Variants in DNAH11 observed in about 807,000 individuals in gnomAD.
DNAH11 encodes axonemal beta dynein heavy chain 11.
DNAH11 carries 442 observed loss-of-function variants against 526.0 expected under a neutral mutation model. The observed-to-expected ratio is 0.84, with a 90% CI of 0.78 to 0.91. The LOEUF (loss-of-function observed/expected upper bound fraction) is 0.91. Ranked by LOEUF, DNAH11 falls within the 40% of genes least tolerant of loss-of-function variation. The probability of loss-of-function intolerance (pLI) is 0.00; values close to 1 mark genes in which losing one functional copy is unlikely to be tolerated. For missense variants in DNAH11, 6,989 were observed against 5,448.7 expected, an observed-to-expected ratio of 1.28 and a Z score of -8.90; for synonymous variants, 2,461 against 1,935.9, an observed-to-expected ratio of 1.27 and a Z score of -7.12.
At chr7:21,687,786 G>A (rs1783446011) in intron 34 of DNAH11, among the ~76,000 whole-genome samples, 1 of 152,192 alleles carries the variant, frequency 6.6e-6, no homozygotes, top group African/African-American at 2.4e-5. Context: ...CAGACACAGT[G>A]ACTCATGCTT....
chr7:21,643,935 C>A (rs1039126564), intron 28 of DNAH11, among the ~76,000 whole-genome samples: 1 of 152,072 alleles, frequency 6.6e-6, no homozygotes, highest in Non-Finnish European at 1.5e-5. Flanking sequence ...AATGTGGCTG[C>A]TAGATGGTTG....
chr7:21,814,735 T>C (rs374216423), intron 63 of DNAH11, among the ~76,000 whole-genome samples: 137 of 152,238 alleles, frequency 9.0e-4, no homozygotes, highest in African/African-American at 3.2e-3. Flanking sequence ...ATGAAACCAC[T>C]GTTGTATATG....
chr7:21,687,979 T>G (rs1356987668), intron 34 of DNAH11, among the ~76,000 whole-genome samples: 1 of 152,174 alleles, frequency 6.6e-6, no homozygotes, highest in Non-Finnish European at 1.5e-5. Flanking sequence ...AGAGGATTGC[T>G]TGAGCCCAGG....
At chr7:21,784,004 A>C (rs1220732905) in intron 57 of DNAH11, among the ~76,000 whole-genome samples, 1 of 152,250 alleles carries the variant, frequency 6.6e-6, no homozygotes, top group Non-Finnish European at 1.5e-5. Context: ...CTTCTAAGCA[A>C]AAGTTAGCAA....
intron 11 of DNAH11, 107 bp from the exon 12 acceptor site, chr7:21,589,101 G>T: frequency 3.5e-6 from 3 of 845,352 alleles, no homozygotes; most frequent in Non-Finnish European, 5.0e-6. Flanking sequence ...TTCTCTTCCT[G>T]GTTGTTTATA....
At chr7:21,746,794 T>C (rs975528266) in intron 51 of DNAH11, among the ~76,000 whole-genome samples, 2 of 152,174 alleles carry the variant, frequency 1.3e-5, no homozygotes, top group African/African-American at 4.8e-5. Context: ...CTTCCTCTGA[T>C]TGTGCAAAGG....
intron 68 of DNAH11, among the ~76,000 whole-genome samples, chr7:21,858,174 A>G (rs1782926144): frequency 6.6e-6 from 1 of 152,212 alleles, no homozygotes; most frequent in Non-Finnish European, 1.5e-5. Flanking sequence ...TAAAAGCAGA[A>G]TGAGGTCTTA....
At chr7:21,713,379 C>A (rs570428558) in intron 42 of DNAH11, among the ~76,000 whole-genome samples, 1 of 152,200 alleles carries the variant, frequency 6.6e-6, no homozygotes, top group South Asian at 2.1e-4. Context: ...GGAGAGAGGA[C>A]AGTGAGGTCA....
chr7:21,650,218 TAA>T (rs1046929629), intron 28 of DNAH11, among the ~76,000 whole-genome samples: 17 of 152,354 alleles, frequency 1.1e-4, no homozygotes, highest in African/African-American at 4.1e-4. Flanking sequence ...CGGATATGTT[TAA>T]GTTACAGTAA....
chr7:21,799,060 A>G lies in DNAH11; in HGVS notation c.10027-2077A>G, dbSNP rs540389171. Reference sequence around the variant, plus strand: ...AAAATTTTGAGAACCATTGCCTTCTACTGTCCTAGATATTATTCTATAAAT... The same window carrying G: ...AAAATTTTGAGAACCATTGCCTTCTGCTGTCCTAGATATTATTCTATAAAT... On this transcript the variant is annotated intron_variant, in intron 61 of 81. Transcript: ENST00000409508. Among the ~76,000 whole-genome samples the G allele has an allele frequency of 3.0e-4, 46 of 152,184 alleles. 1 individual carries two copies. Among genetic ancestry groups the G allele is most frequent in the Non-Finnish European group, 5.7e-4 (39 of 68,040 alleles).
At chr7:21,790,015 C>A (rs978913167) in intron 61 of DNAH11, among the ~76,000 whole-genome samples, 1 of 149,244 alleles carries the variant, frequency 6.7e-6, no homozygotes, top group African/African-American at 2.5e-5. Context: ...ATCAACCAAT[C>A]ACCTAGGTAT....
chr7:21,775,366 C>G (rs1459317964), intron 56 of DNAH11, among the ~76,000 whole-genome samples: 1 of 152,118 alleles, frequency 6.6e-6, no homozygotes, highest in Non-Finnish European at 1.5e-5. Flanking sequence ...CCTTTAATCC[C>G]AGCACTTTGG....
intron 35 of DNAH11, among the ~76,000 whole-genome samples, chr7:21,694,685 A>C (rs1322234130): frequency 6.6e-6 from 1 of 152,170 alleles, no homozygotes; most frequent in Non-Finnish European, 1.5e-5. Flanking sequence ...TTTATAGTAG[A>C]ATGATTTATA....
Position 21,765,587 on chromosome 7 carries a change from G to A in DNAH11, c.9100G>A (p.Glu3034Lys). The A allele has an allele frequency of 6.5e-7, 1 of 1,549,452 alleles. No homozygotes were observed. The highest frequency in any genetic ancestry group is 1.7e-5 in the Admixed American group (1 of 57,256). Residue 3034 changes from glutamate (E) to lysine (K), a missense_variant and splice_region_variant, in exon 55 of 82, where the codon GAG (glutamate) becomes AAG (lysine). Coordinates refer to ENST00000409508, the MANE Select transcript of DNAH11 (RefSeq NM_001277115.2). The stretch of plus-strand genomic sequence containing the variant: ...GTTCATTGAGGAAACCAAGGGAATT[G>A]AGGTATGCCGTGTCAGCCTGCGTCA... ...RRFIEETKGI[E>K]PVHKDSISLF...
In DNAH11 at chr7:21,900,221, A is replaced by G. The variant is rs1583827837; in HGVS notation, c.13303+101A>G. 3.1e-6 allele frequency: 4 copies of G among 1,281,012 alleles called. No homozygotes were observed. In the East Asian group the frequency reaches 9.9e-5, roughly 32 times the overall value. 79.4% of individuals were successfully genotyped at this position (1,281,012 alleles called of 1,614,324 possible). ...TTTCTCAGCATCTCCTCACTCACACAGTAACCTTATGCTAGTCATTATCTC... is the reference window on the plus strand; with the variant it reads ...TTTCTCAGCATCTCCTCACTCACACGGTAACCTTATGCTAGTCATTATCTC... On this transcript the variant is annotated intron_variant, in intron 81 of 81. Coordinates refer to ENST00000409508, the MANE Select transcript of DNAH11 (RefSeq NM_001277115.2).
intron 28 of DNAH11, among the ~76,000 whole-genome samples, chr7:21,641,666 G>T (rs1481090706): frequency 2.0e-5 from 3 of 152,150 alleles, no homozygotes; most frequent in African/African-American, 7.2e-5. Context: ...GATGCCAGTT[G>T]ATTTTTCAGA....
At position 21,901,081 on chromosome 7, in the gene DNAH11, A is replaced by T; in HGVS notation, c.13378A>T (p.Ile4460Phe). The T allele has an allele frequency of 6.2e-7, 1 of 1,613,876 alleles. No individual in the cohort carries two copies. The highest frequency in any genetic ancestry group is 8.5e-7 in the Non-Finnish European group (1 of 1,179,782). ...LKELACPMPV[I>F]FAKATPVDRQ... ...GGAGCTGGCATGCCCTATGCCGGTC[A>T]TCTTTGCAAAAGCCACCCCCGTGGA... The change falls in exon 82 of 82, where the codon ATC (isoleucine) becomes TTC (phenylalanine). Residue 4460 changes from isoleucine to phenylalanine, a missense_variant. Physicochemically the swap from Ile to Phe is conservative, Grantham distance 21 (BLOSUM62 0). Coordinates refer to ENST00000409508, the MANE Select transcript of DNAH11 (RefSeq NM_001277115.2).
intron 6 of DNAH11, among the ~76,000 whole-genome samples, chr7:21,565,995 C>T (rs1287735270): frequency 2.6e-5 from 4 of 152,098 alleles, no homozygotes; most frequent in Non-Finnish European, 5.9e-5. Context: ...CCTAATGGCG[C>T]GGGTCTCTAT....
chr7:21,682,644 G>A (rs756403652), intron 31 of DNAH11, among the ~76,000 whole-genome samples: 2 of 152,044 alleles, frequency 1.3e-5, no homozygotes, highest in Non-Finnish European at 2.9e-5. Context: ...ACAAAAGTCA[G>A]GAGTATGCTT....
Sources: allele counts gnomAD v4.1 joint callset (sites outside exome capture counted in the v4.1 genomes callset), GRCh38; gene constraint gnomAD v4.1.1; transcripts MANE v1.5; gene names NCBI Gene and HGNC (gene_info 2026-07-23, HGNC 2026-07-21).